The following KLB variants were observed in gnomAD, a reference collection of about 807,000 sequenced individuals.
The protein encoded by KLB is beta-klotho.
KLB carries 44 observed loss-of-function variants against 88.4 expected under a neutral mutation model. That is an observed-to-expected ratio of 0.50 (90% confidence interval 0.39 to 0.64). KLB has a LOEUF of 0.64. Ranked by LOEUF, KLB falls within the 30% of genes least tolerant of loss-of-function variation. KLB has a pLI of 0.00. For missense variants in KLB, 1,137 were observed against 1,304.8 expected (o/e 0.87, Z 1.98); for synonymous variants, 548 against 513.4 (o/e 1.07, Z -0.91).
chr4:39,447,882 A>G (rs1467836863), intron 4 of KLB, among the ~76,000 whole-genome samples: 1 of 152,110 alleles, frequency 6.6e-6, no homozygotes, highest in African/African-American at 2.4e-5. Flanking sequence ...ACATCATGGT[A>G]GCTTAAGCGA....
At chr4:39,441,176 G>A (rs1355195910) in intron 3 of KLB, among the ~76,000 whole-genome samples, 1 of 152,110 alleles carries the variant, frequency 6.6e-6, no homozygotes, top group Non-Finnish European at 1.5e-5. Context: ...ATTTAAACAA[G>A]ACTTTAGCAA....
intron 1 of KLB, among the ~76,000 whole-genome samples, chr4:39,426,783 G>A (rs1397513277): frequency 2.6e-5 from 4 of 151,838 alleles, no homozygotes; most frequent in Admixed American, 2.0e-4. Context: ...GACCTCCTGT[G>A]CTCAAGCAAT....
At chr4:39,411,760 T>C (rs538093039) in intron 1 of KLB, 38 of 152,344 alleles carry the variant, frequency 2.5e-4, no homozygotes, top group Non-Finnish European at 5.6e-4. Flanking sequence ...GGCTCATACC[T>C]GTAATCCCAG....
chr4:39,436,744 T>C (rs1743480207), intron 2 of KLB, among the ~76,000 whole-genome samples: 1 of 151,690 alleles, frequency 6.6e-6, no homozygotes, highest in Non-Finnish European at 1.5e-5. Flanking sequence ...AGTTTTGCTC[T>C]TGTTACCCAG....
chr4:39,407,298 C>T lies in KLB; in HGVS notation c.349C>T (p.His117Tyr). ...TATATGGGATCATTTCATCCACACA[C>T]ACCTTAAAAATGTCAGCAGCACGAA... Reference protein sequence around the residue: ...PSIWDHFIHTHLKNVSSTNGS... With the variant: ...PSIWDHFIHTYLKNVSSTNGS... Residue 117 changes from histidine (H) to tyrosine (Y), a missense_variant, in exon 1 of 5, where the codon CAC becomes TAC. By Grantham distance (83) the His-to-Tyr change is moderately conservative. This residue lies in a region of KLB where 597 missense variants were observed against 765.2 expected (regional missense o/e 0.78). Transcript: ENST00000257408. 1 of 1,614,056 alleles carries T rather than the reference C, an allele frequency of 6.2e-7. No individual in the cohort carries two copies. The highest frequency in any genetic ancestry group is 8.5e-7 in the Non-Finnish European group (1 of 1,179,930).
chr4:39,442,366 T>C (rs891926465), intron 3 of KLB, among the ~76,000 whole-genome samples: 1 of 152,124 alleles, frequency 6.6e-6, no homozygotes, highest in Admixed American at 6.6e-5. Context: ...TAGAAATGCA[T>C]ATTCCCTTCA....
rs1743860955 is a variant in KLB, at chr4:39,450,222, AC to A, written c.*1538del. Reference sequence around the variant, plus strand: ...TCTGAGGAAGAAAACTTAAATATGCACCTATTTATACCTATTCTTTCTTTAG... The same window carrying A: ...TCTGAGGAAGAAAACTTAAATATGCACTATTTATACCTATTCTTTCTTTAG... On this transcript the variant is annotated 3_prime_UTR_variant, in exon 5 of 5. Coordinates refer to ENST00000257408, the MANE Select transcript of KLB (RefSeq NM_175737.4). 6.6e-6 allele frequency: 1 copy of A among 152,180 alleles called. No individual in the cohort carries two copies. The highest frequency in any genetic ancestry group is 6.5e-5 in the Admixed American group (1 of 15,276). 9.4% of individuals were successfully genotyped at this position (152,180 alleles called of 1,614,324 possible). A position where few individuals can be genotyped will look rare whatever the true frequency, so the allele number is the denominator to read the frequency against.
intron 1 of KLB, among the ~76,000 whole-genome samples, chr4:39,425,776 A>G (rs999922190): frequency 6.6e-6 from 1 of 152,164 alleles, no homozygotes; most frequent in Non-Finnish European, 1.5e-5. Context: ...GAAAAAGAAT[A>G]GGGAGAAATT....
intron 3 of KLB, among the ~76,000 whole-genome samples, chr4:39,443,816 A>G (rs1334418158): frequency 6.6e-6 from 1 of 151,516 alleles, no homozygotes; most frequent in Non-Finnish European, 1.5e-5. Flanking sequence ...TTGGGACTCT[A>G]TGAATATCCT....
intron 1 of KLB, among the ~76,000 whole-genome samples, chr4:39,420,189 G>C (rs944653394): frequency 2.0e-5 from 3 of 152,058 alleles, no homozygotes; most frequent in Admixed American, 1.3e-4. Context: ...GGATCTTTTA[G>C]TATTTGGGGG....
Position 39,407,567 on chromosome 4 carries a change from T to C in KLB, c.618T>C (p.Tyr206=). Residue 206 remains tyrosine (Y), a synonymous_variant, in exon 1 of 5, where the codon TAT becomes TAC. Coordinates refer to ENST00000257408, the MANE Select transcript of KLB (RefSeq NM_175737.4). ...WDLPLALQEK[Y]GGWKNDTIID... is the part of the protein sequence containing the mutation. The stretch of plus-strand genomic sequence containing the variant: ...TGCCTTTGGCACTACAAGAAAAATA[T>C]GGGGGGTGGAAAAATGATACCATAA... The C allele has an allele frequency of 6.2e-7, 1 of 1,614,014 alleles. No homozygotes were observed.
chr4:39,449,939 T>C lies in KLB; in HGVS notation c.*1253T>C, dbSNP rs137896556. 1.3e-5 allele frequency: 2 copies of C among 151,166 alleles called. No homozygotes were observed. Among genetic ancestry groups the C allele is most frequent in the East Asian group, 3.9e-4 (2 of 5,160 alleles). 9.4% of individuals were successfully genotyped at this position (151,166 alleles called of 1,614,324 possible). A position where few individuals can be genotyped will look rare whatever the true frequency, so the allele number is the denominator to read the frequency against. The stretch of plus-strand genomic sequence containing the variant: ...GACTGTCTCTCAAAATAAAAAAAAA[T>C]AATAAAAATAAAAATAAAAGTAATT... On this transcript the variant is annotated 3_prime_UTR_variant, in exon 5 of 5. Coordinates refer to ENST00000257408, the MANE Select transcript of KLB (RefSeq NM_175737.4).
chr4:39,409,565 A>C (rs1742796350), intron 1 of KLB, among the ~76,000 whole-genome samples: 1 of 151,112 alleles, frequency 6.6e-6, no homozygotes, highest in African/African-American at 2.4e-5. Context: ...CTGGGATTAC[A>C]GGTGTGAGCC....
In KLB at chr4:39,446,637, G is replaced by A; in HGVS notation, c.1911G>A (p.Ala637=). 1.9e-6 allele frequency: 3 copies of A among 1,613,532 alleles called. No individual in the cohort carries two copies. Among genetic ancestry groups the A allele is most frequent in the Non-Finnish European group, 2.5e-6 (3 of 1,179,632 alleles). ...VSEGLKLGIS[A]MVTLYYPTHA... is the part of the protein sequence containing the mutation. ...AGGGGCTGAAGCTTGGCATCTCCGC[G>A]ATGGTCACCCTGTATTATCCGACCC... Residue 637 remains alanine, a synonymous_variant, in exon 4 of 5, where the codon GCG becomes GCA. Transcript: ENST00000257408. This position sits in a 1 kb window ranked among gnomAD's most constrained non-coding sequence, Gnocchi z 6.4.
intron 1 of KLB, among the ~76,000 whole-genome samples, chr4:39,423,232 T>C (rs1281387262): frequency 1.3e-5 from 2 of 151,806 alleles, no homozygotes; most frequent in Non-Finnish European, 2.9e-5. Context: ...GAATTACATA[T>C]AAATGTTACA....
chr4:39,446,813 G>A lies in KLB; in HGVS notation c.2087G>A (p.Arg696Gln). ...TGGATCACCATCAACGAGCCTAACC[G>A]GCTAAGTGACATCTACAACCGCTCT... is the stretch of plus-strand genomic sequence containing the variant. Reference protein sequence around the residue: ...KLWITINEPNRLSDIYNRSGN... With the variant: ...KLWITINEPNQLSDIYNRSGN... The change falls in exon 4 of 5, where the codon CGG (arginine) becomes CAG (glutamine). Residue 696 changes from arginine to glutamine, a missense_variant. Physicochemically the swap from Arg to Gln is conservative, Grantham distance 43. Around this residue, in one of 4 missense-constraint regions of KLB, gnomAD observed 597 missense variants for 765.2 expected, o/e 0.78. Transcript: ENST00000257408. This position sits in a 1 kb window ranked among gnomAD's most constrained non-coding sequence, Gnocchi z 6.4. 6.2e-7 allele frequency: 1 copy of A among 1,613,064 alleles called. No homozygotes were observed. The highest frequency in any genetic ancestry group is 8.5e-7 in the Non-Finnish European group (1 of 1,179,918).
intron 2 of KLB, among the ~76,000 whole-genome samples, chr4:39,435,265 A>G (rs1006451540): frequency 2.8e-5 from 4 of 144,592 alleles, no homozygotes; most frequent in Admixed American, 6.9e-5. Context: ...TTACAGGTGC[A>G]TGCCACCACA....
chr4:39,445,277 C>T (rs1035505296), intron 3 of KLB, among the ~76,000 whole-genome samples: 4 of 152,062 alleles, frequency 2.6e-5, no homozygotes, highest in African/African-American at 7.3e-5. Flanking sequence ...TTCAAAGGGG[C>T]AGAACTAGAA....
At position 39,434,320 on chromosome 4, in the gene KLB, C is replaced by T; in HGVS notation, c.936C>T (p.Asn312=). The change falls in exon 2 of 5, where the codon AAC becomes AAT. Residue 312 remains asparagine (N), a synonymous_variant. Coordinates refer to ENST00000257408, the MANE Select transcript of KLB (RefSeq NM_175737.4). The stretch of plus-strand genomic sequence containing the variant: ...GGATCGAGCCAAACCGGTCGGAAAA[C>T]ACGATGGATATATTCAAATGTCAAC... The part of the protein sequence containing the change: ...SHWIEPNRSE[N]TMDIFKCQQS... 6.2e-7 allele frequency: 1 copy of T among 1,614,186 alleles called. No homozygotes were observed. The highest frequency in any genetic ancestry group is 8.5e-7 in the Non-Finnish European group (1 of 1,180,046).
Sources: gnomAD v4.1 joint callset for allele counts (sites outside exome capture counted in the v4.1 genomes callset) on GRCh38, gnomAD v4.1.1 for gene constraint, gnomAD v4.1.1 regional missense constraint, Gnocchi (gnomAD v3.1) non-coding constraint, MANE v1.5 for transcripts, NCBI Gene and HGNC (gene_info 2026-07-23, HGNC 2026-07-21) for gene names.